Variants in SGCD observed in about 807,000 individuals in gnomAD.
SGCD encodes the protein sarcoglycan delta.
SGCD carries 18 observed loss-of-function variants against 36.6 expected under a neutral mutation model. The ratio of observed to expected loss-of-function variants is 0.49; its 90% CI spans 0.34 to 0.73. SGCD has a LOEUF of 0.73. Ranked by LOEUF, SGCD falls within the 30% of genes least tolerant of loss-of-function variation. The pLI, the probability that SGCD is intolerant of heterozygous loss-of-function variation, is 0.01. For missense variants in SGCD, 387 were observed against 346.7 expected, an observed-to-expected ratio of 1.12 and a Z score of -0.92; for synonymous variants, 133 against 130.6, an observed-to-expected ratio of 1.02 and a Z score of -0.12.
At chr5:155,995,436 A>G (rs963120317) in intron 1 of SGCD, among the ~76,000 whole-genome samples, 4 of 152,240 alleles carry the variant, frequency 2.6e-5, no homozygotes, top group Admixed American at 2.6e-4. Flanking sequence ...TTATTGAAAT[A>G]GTACTACATT....
intron 3 of SGCD, among the ~76,000 whole-genome samples, chr5:156,175,826 G>T (rs1763452726): frequency 1.3e-5 from 2 of 151,120 alleles, no homozygotes; most frequent in Non-Finnish European, 1.5e-5. Flanking sequence ...AAAAGTAAAT[G>T]TGATTATATT....
chr5:156,122,441 A>G (rs1762064427), intron 2 of SGCD, among the ~76,000 whole-genome samples: 1 of 152,112 alleles, frequency 6.6e-6, no homozygotes, highest in East Asian at 1.9e-4. Context: ...AAACAGGGTA[A>G]TTTTACAAGG....
chr5:156,214,480 A>T (rs146043847), intron 3 of SGCD, among the ~76,000 whole-genome samples: 1 of 152,154 alleles, frequency 6.6e-6, no homozygotes, highest in Non-Finnish European at 1.5e-5. Context: ...AAATGGAAAG[A>T]TATGTCGTGT....
At chr5:155,993,581 G>A (rs992120840) in intron 1 of SGCD, among the ~76,000 whole-genome samples, 12 of 152,110 alleles carry the variant, frequency 7.9e-5, no homozygotes, top group African/African-American at 2.9e-4. Context: ...CTGGCCTCAA[G>A]TGATCCACCC....
intron 1 of SGCD, among the ~76,000 whole-genome samples, chr5:155,986,915 T>C (rs1758343810): frequency 6.6e-6 from 1 of 152,134 alleles, no homozygotes; most frequent in South Asian, 2.1e-4. Context: ...GGGTGGATCT[T>C]AGTATGAGCC....
intron 3 of SGCD, among the ~76,000 whole-genome samples, chr5:156,300,253 T>C (rs184448845): frequency 6.6e-6 from 1 of 152,220 alleles, no homozygotes; most frequent in East Asian, 1.9e-4. Context: ...TTGTAGGCAC[T>C]TATAGCTATA....
intron 3 of SGCD, among the ~76,000 whole-genome samples, chr5:156,299,823 A>G (rs1250758419): frequency 1.3e-5 from 2 of 152,116 alleles, no homozygotes; most frequent in Non-Finnish European, 2.9e-5. Context: ...TATCAGTTCT[A>G]ATCTTTTTTT....
At chr5:156,160,750 A>C (rs2127618241) in intron 3 of SGCD, among the ~76,000 whole-genome samples, 1 of 151,706 alleles carries the variant, frequency 6.6e-6, no homozygotes, top group South Asian at 2.1e-4. Flanking sequence ...GCCCATCATC[A>C]CGTAATAGTA....
At chr5:155,873,540 C>T (rs972271663) in intron 1 of SGCD, among the ~76,000 whole-genome samples, 7 of 152,008 alleles carry the variant, frequency 4.6e-5, no homozygotes, top group African/African-American at 9.7e-5. Context: ...AGGGTGGTGC[C>T]GGAGGGACGA....
chr5:156,162,533 TC>T (rs1011495441), intron 3 of SGCD, among the ~76,000 whole-genome samples: 6 of 151,550 alleles, frequency 4.0e-5, no homozygotes, highest in African/African-American at 1.5e-4. Context: ...TGGATTTGAC[TC>T]CCTTTTTTCT....
intron 1 of SGCD, among the ~76,000 whole-genome samples, chr5:155,956,717 G>A (rs1372280912): frequency 6.6e-6 from 1 of 151,846 alleles, no homozygotes; most frequent in Admixed American, 6.6e-5. Context: ...CATCACTGCA[G>A]CCTCTACCTC....
At chr5:156,524,094 CTATATATATATATA>C (rs60414987) in intron 4 of SGCD, among the ~76,000 whole-genome samples, 1,386 of 40,354 alleles carry the variant, frequency 0.034, 24 homozygotes, top group Non-Finnish European at 0.039. Flanking sequence ...TGAGGTCTTA[CTATATATATATATA>C]TATATATATA....
At chr5:156,474,637 T>C (rs902287671) in intron 3 of SGCD, among the ~76,000 whole-genome samples, 2 of 152,214 alleles carry the variant, frequency 1.3e-5, no homozygotes, top group South Asian at 2.1e-4. Flanking sequence ...GATTTAATTT[T>C]GGTCCCCATT....
chr5:156,256,929 AG>A (rs1212558786), intron 3 of SGCD, among the ~76,000 whole-genome samples: 4 of 152,202 alleles, frequency 2.6e-5, no homozygotes, highest in African/African-American at 9.6e-5. Flanking sequence ...CTATAATACC[AG>A]CACTTTGGAA....
intron 3 of SGCD, among the ~76,000 whole-genome samples, chr5:156,252,285 C>T (rs1765601993): frequency 6.6e-6 from 1 of 151,930 alleles, no homozygotes; most frequent in Admixed American, 6.6e-5. Context: ...CCATGTTGGT[C>T]AGGGTGGTCT....
chr5:155,735,956 T>C, the SGCD span, among the ~76,000 whole-genome samples: 1 of 152,186 alleles, frequency 6.6e-6, no homozygotes, highest in African/African-American at 2.4e-5. Flanking sequence ...CACAGGGTCA[T>C]TGGCAAAGTC....
intron 1 of SGCD, among the ~76,000 whole-genome samples, chr5:156,068,634 A>C (rs1438336316): frequency 2.6e-5 from 4 of 151,770 alleles, no homozygotes; most frequent in Admixed American, 2.0e-4. Context: ...TTGGGTATAT[A>C]CCCAGTAATG....
intron 1 of SGCD, among the ~76,000 whole-genome samples, chr5:156,044,113 A>T (rs887681286): frequency 2.0e-5 from 3 of 152,120 alleles, no homozygotes; most frequent in African/African-American, 7.2e-5. Context: ...GGACTGGGGA[A>T]GTCAGAGAAG....
intron 3 of SGCD, among the ~76,000 whole-genome samples, chr5:156,412,532 C>T (rs1489866688): frequency 6.6e-6 from 1 of 152,056 alleles, no homozygotes; most frequent in African/African-American, 2.4e-5. Context: ...GTTTGTTTTG[C>T]CTTTTACTCA....
Sources: gnomAD v4.1 joint callset for allele counts (sites outside exome capture counted in the v4.1 genomes callset) on GRCh38, gnomAD v4.1.1 for gene constraint, MANE v1.5 for transcripts, NCBI Gene and HGNC (gene_info 2026-07-23, HGNC 2026-07-21) for gene names.